ZNF875: variants seen among roughly 807,000 people sequenced by gnomAD.
The protein encoded by ZNF875 is HKR1, GLI-Kruppel zinc finger family member.
A neutral mutation model predicts 11.2 loss-of-function variants in ZNF875; 14 were observed. That is an observed-to-expected ratio of 1.26 (90% CI 0.83 to 1.96). The LOEUF (loss-of-function observed/expected upper bound fraction) is 1.96, where lower values mean the gene tolerates loss of function less well. Ranked by LOEUF, ZNF875 falls within the 30% of genes most tolerant of loss-of-function variation. The probability of loss-of-function intolerance (pLI) is 0.00; values close to 1 mark genes in which losing one functional copy is unlikely to be tolerated. For missense variants in ZNF875, 752 were observed against 760.4 expected, an observed-to-expected ratio of 0.99 and a Z score of 0.13; for synonymous variants, 301 against 281.1, an observed-to-expected ratio of 1.07 and a Z score of -0.71.
chr19:37,332,345 AG>A (rs2033532475), upstream of ZNF875, among the ~76,000 whole-genome samples: 1 of 151,772 alleles, frequency 6.6e-6, no homozygotes, highest in Admixed American at 6.6e-5. Flanking sequence ...AAACACCCAC[AG>A]GTGTGTAGGG....
chr19:37,318,623 G>A (rs1328530922), intron 1 of ZNF875, among the ~76,000 whole-genome samples: 2 of 151,244 alleles, frequency 1.3e-5, no homozygotes, highest in African/African-American at 4.9e-5. Flanking sequence ...CTGGGTTCAC[G>A]CCATTCTCCT....
At chr19:37,326,900 T>C (rs1369561214) in intron 4 of ZNF875, among the ~76,000 whole-genome samples, 3 of 152,076 alleles carry the variant, frequency 2.0e-5, no homozygotes, top group Non-Finnish European at 2.9e-5. Context: ...ACTCTTGACC[T>C]CAAGTGATCT....
intron 2 of ZNF875, among the ~76,000 whole-genome samples, chr19:37,338,079 C>T (rs2034877798): frequency 6.6e-6 from 1 of 152,092 alleles, no homozygotes; most frequent in Non-Finnish European, 1.5e-5. Flanking sequence ...ATAAGAAATC[C>T]AATTCAGGAC....
At chr19:37,353,754 T>G (rs1294175418) in intron 4 of ZNF875, among the ~76,000 whole-genome samples, 2 of 152,212 alleles carry the variant, frequency 1.3e-5, no homozygotes, top group African/African-American at 4.8e-5. Flanking sequence ...GTTGAGTAAT[T>G]ATTATATTGT....
In ZNF875 at chr19:37,327,522, C is replaced by A. The variant is rs150241789; in HGVS notation, c.-603+3257C>A. On this transcript the variant is annotated intron_variant, in intron 4 of 5. Transcript: ENST00000544914. Reference sequence around the variant, plus strand: ...GTGGCTCATACCTGTTTTCCCAGCACTTTGGGAGGCCGAGGCGGGCAGATC... The same window carrying A: ...GTGGCTCATACCTGTTTTCCCAGCAATTTGGGAGGCCGAGGCGGGCAGATC... 6.3e-3 allele frequency among the ~76,000 whole-genome samples: 962 copies of A among 152,042 alleles called. 26 individuals are homozygous for A. Among genetic ancestry groups the A allele is most frequent in the East Asian group, 0.053 (274 of 5,144 alleles).
At chr19:37,331,685 A>G (rs919751876), upstream of ZNF875, among the ~76,000 whole-genome samples, 22 of 148,608 alleles carry the variant, frequency 1.5e-4, no homozygotes, top group East Asian at 6.1e-4. Flanking sequence ...CAAAAACTGC[A>G]GAAGGCCGCA....
intron 1 of ZNF875, among the ~76,000 whole-genome samples, chr19:37,319,538 T>C (rs1203955944): frequency 6.6e-6 from 1 of 151,838 alleles, no homozygotes; most frequent in African/African-American, 2.4e-5. Flanking sequence ...CCCCACATTG[T>C]TCATAGGCCT....
chr19:37,335,572 A>G (rs938023803), intron 2 of ZNF875, among the ~76,000 whole-genome samples: 8 of 152,210 alleles, frequency 5.3e-5, no homozygotes, highest in Non-Finnish European at 1.0e-4. Flanking sequence ...TGAGCTTTAC[A>G]CAACCCTCCC....
intron 1 of ZNF875, among the ~76,000 whole-genome samples, chr19:37,318,556 C>G (rs1286312625): frequency 6.7e-6 from 1 of 149,822 alleles, no homozygotes; most frequent in East Asian, 1.9e-4. Context: ...GAGTCTCGCT[C>G]TGTCGCCCAG....
At position 37,362,962 on chromosome 19, in the gene ZNF875, A is replaced by G. The variant is rs73930974; in HGVS notation, c.1110A>G (p.Glu370=). The change falls in exon 5 of 5, where the codon GAA becomes GAG. Residue 370 remains glutamate, a synonymous_variant. Coordinates refer to ENST00000392153, the MANE Select transcript of ZNF875 (RefSeq NM_001353803.2). ...GGGAGAAGCCTTATGTTTGCAGGGA[A>G]TGTGGGCGTGGCTTTCGCCAGCATT... ...HTGEKPYVCR[E]CGRGFRQHSH... 904 of 1,612,804 alleles carry G rather than the reference A, an allele frequency of 5.6e-4. 4 individuals are homozygous for G. The African/African-American group carries it at 0.01, about 18-fold the overall frequency.
rs55696165 is a variant in ZNF875, at chr19:37,350,072, C to T, written c.256+2200C>T. 2.6e-3 allele frequency among the ~76,000 whole-genome samples: 353 copies of T among 135,340 alleles called. 2 individuals carry two copies. Among genetic ancestry groups the T allele is most frequent in the African/African-American group, 9.6e-3 (340 of 35,316 alleles). The allele number at this position is 135,340 out of a possible 152,430, so 88.8% of individuals were successfully genotyped here. ...CTCCGCCTATCAGGTTCAAGGATTACAGACGTGAGCCACCACGCCCGGCCC... is the reference window on the plus strand; with the variant it reads ...CTCCGCCTATCAGGTTCAAGGATTATAGACGTGAGCCACCACGCCCGGCCC... On this transcript the variant is annotated intron_variant, in intron 4 of 4. Coordinates refer to ENST00000392153, the MANE Select transcript of ZNF875 (RefSeq NM_001353803.2).
intron 4 of ZNF875, chr19:37,361,858 A>G (rs887678967): frequency 4.9e-6 from 2 of 405,486 alleles, no homozygotes; most frequent in Admixed American, 4.3e-5. Flanking sequence ...CGGAGGTTGC[A>G]GTGAGCTGAG....
At chr19:37,350,082 C>A (rs1395897624) in intron 4 of ZNF875, among the ~76,000 whole-genome samples, 3 of 140,914 alleles carry the variant, frequency 2.1e-5, no homozygotes, top group Non-Finnish European at 4.6e-5. Flanking sequence ...CAGACGTGAG[C>A]CACCACGCCC....
At chr19:37,344,056 G>A (rs1459086239) in intron 2 of ZNF875, among the ~76,000 whole-genome samples, 1 of 152,078 alleles carries the variant, frequency 6.6e-6, no homozygotes, top group East Asian at 1.9e-4. Flanking sequence ...TCCCCTCAAA[G>A]CCATAGGATG....
In ZNF875 at chr19:37,362,779, T is replaced by G; in HGVS notation, c.927T>G (p.Pro309=). The change falls in exon 5 of 5, where the codon CCT becomes CCG. Residue 309 remains proline (P), a synonymous_variant. Coordinates refer to ENST00000392153, the MANE Select transcript of ZNF875 (RefSeq NM_001353803.2). ...AGAGGACACACTCAGGGGAGAAACC[T>G]TATGTGTGCAAGGATTGTGGACGAG... The part of the protein sequence containing the change: ...THQRTHSGEK[P]YVCKDCGRGF... 6.2e-7 allele frequency: 1 copy of G among 1,612,958 alleles called. No individual in the cohort carries two copies. Among genetic ancestry groups the G allele is most frequent in the African/African-American group, 1.3e-5 (1 of 74,720 alleles).
At chr19:37,332,227 G>A (rs1216198481), upstream of ZNF875, among the ~76,000 whole-genome samples, 3 of 148,356 alleles carry the variant, frequency 2.0e-5, no homozygotes, top group Non-Finnish European at 4.5e-5. Flanking sequence ...AGAGGCTGGC[G>A]GGATCCTCCA....
upstream of ZNF875, among the ~76,000 whole-genome samples, chr19:37,331,509 T>A (rs2033388840): frequency 6.6e-6 from 1 of 150,634 alleles, no homozygotes; most frequent in South Asian, 2.1e-4. Context: ...ATTCTGTTAA[T>A]CTATAACCTT....
chr19:37,343,234 G>T (rs532369514), intron 2 of ZNF875, among the ~76,000 whole-genome samples: 1 of 152,152 alleles, frequency 6.6e-6, no homozygotes, highest in Non-Finnish European at 1.5e-5. Flanking sequence ...CTACTTGGGA[G>T]GCTGAGGCGG....
intron 2 of ZNF875, chr19:37,323,419 G>A (rs1240421066): frequency 1.3e-5 from 2 of 152,152 alleles, no homozygotes; most frequent in Non-Finnish European, 2.9e-5. Context: ...GCCTCCCAGA[G>A]TGCTGGGATT....
Sources: allele counts gnomAD v4.1 joint callset (sites outside exome capture counted in the v4.1 genomes callset), GRCh38; gene constraint gnomAD v4.1.1; transcripts MANE v1.5; gene names NCBI Gene and HGNC (gene_info 2026-07-23, HGNC 2026-07-21).